Variants in SNTG1 observed in about 807,000 individuals in gnomAD.
SNTG1 encodes gamma-1-syntrophin.
In SNTG1, 39 loss-of-function variants were observed where a neutral mutation model predicts 74.7. The ratio of observed to expected loss-of-function variants is 0.52; its 90% confidence interval spans 0.40 to 0.68. The LOEUF (loss-of-function observed/expected upper bound fraction) is 0.68, where lower values mean the gene tolerates loss of function less well. Ranked by LOEUF, SNTG1 falls within the 30% of genes least tolerant of loss-of-function variation. The pLI is 0.00. For synonymous variants in SNTG1, 254 were observed against 217.1 expected, an observed-to-expected ratio of 1.17 and a Z score of -1.49; for missense variants, 685 against 609.5, an observed-to-expected ratio of 1.12 and a Z score of -1.30.
intron 9 of SNTG1, among the ~76,000 whole-genome samples, chr8:50,504,184 T>C (rs2093987257): frequency 6.6e-6 from 1 of 152,196 alleles, no homozygotes; most frequent in African/African-American, 2.4e-5. Context: ...CTCGTTCTTT[T>C]TTATGGTGAC....
intron 1 of SNTG1, among the ~76,000 whole-genome samples, chr8:49,942,338 G>T (rs1420758996): frequency 6.6e-6 from 1 of 152,052 alleles, no homozygotes; most frequent in Non-Finnish European, 1.5e-5. Context: ...TATTTTTTGA[G>T]TAGTTTTTAA....
intron 18 of SNTG1, among the ~76,000 whole-genome samples, chr8:50,779,369 T>C (rs1398364237): frequency 2.0e-5 from 3 of 152,164 alleles, no homozygotes; most frequent in Non-Finnish European, 2.9e-5. Context: ...TGTATCCTCT[T>C]TTATTTCATC....
chr8:50,693,481 C>T (rs1467488226), intron 15 of SNTG1, among the ~76,000 whole-genome samples: 1 of 151,940 alleles, frequency 6.6e-6, no homozygotes, highest in Non-Finnish European at 1.5e-5. Context: ...ATATATAAAG[C>T]CAATATTAAA....
rs764084835 is a variant in SNTG1 at position 50,656,937 on chromosome 8, G to A, written c.878G>A (p.Arg293Gln). 20 of 1,603,132 alleles carry A rather than the reference G, an allele frequency of 1.2e-5. No homozygotes were observed. The highest frequency in any genetic ancestry group is 1.7e-4 in the Middle Eastern group (1 of 6,044). Residue 293 changes from arginine to glutamine, a missense_variant, in exon 14 of 19, where the codon CGG (arginine) becomes CAG (glutamine). Coordinates refer to ENST00000642720, the MANE Select transcript of SNTG1 (RefSeq NM_018967.5). ...QIVYMGWCEA[R>Q]EQDPLQDRVY... The stretch of plus-strand genomic sequence containing the variant: ...GTCTACATGGGCTGGTGTGAAGCCC[G>A]GGAGCAAGACCCCCTCCAGGACAGA...
intron 2 of SNTG1, among the ~76,000 whole-genome samples, chr8:50,303,244 C>CTTG (rs1294195770): frequency 6.6e-6 from 1 of 151,846 alleles, no homozygotes; most frequent in African/African-American, 2.4e-5. Context: ...TCAAATAGTT[C>CTTG]TTGTTTATAA....
Position 50,763,393 on chromosome 8 carries a change from A to G in SNTG1, c.1395+11282A>G, listed in dbSNP as rs183227634. Among the ~76,000 whole-genome samples, 363 of 152,024 alleles carry G rather than the reference A, an allele frequency of 2.4e-3. 5 individuals are homozygous for G. Among genetic ancestry groups the G allele is most frequent in the African/African-American group, 7.6e-3 (317 of 41,536 alleles). On this transcript the variant is annotated intron_variant, in intron 18 of 18. Transcript: ENST00000642720. The stretch of plus-strand genomic sequence containing the variant: ...GAGTTGATTTTTAGTCTGATTCCAG[A>G]GAACATACTCTATATGATTTCATTT...
chr8:50,231,463 C>T (rs2085619820), intron 2 of SNTG1, among the ~76,000 whole-genome samples: 1 of 151,066 alleles, frequency 6.6e-6, no homozygotes, highest in African/African-American at 2.4e-5. Flanking sequence ...TCAAAATAAC[C>T]AAGTGATTGA....
chr8:50,671,948 A>C (rs6987141), intron 15 of SNTG1, among the ~76,000 whole-genome samples: 10,375 of 150,158 alleles, frequency 0.069, 967 homozygotes, highest in African/African-American at 0.2. Context: ...GCAAGGACAA[A>C]AAACTAAACA....
intron 1 of SNTG1, among the ~76,000 whole-genome samples, chr8:50,151,918 T>A (rs1025578780): frequency 1.3e-5 from 2 of 152,304 alleles, no homozygotes; most frequent in South Asian, 2.1e-4. Context: ...CATAGATATC[T>A]ATTAGGTCAG....
intron 17 of SNTG1, among the ~76,000 whole-genome samples, chr8:50,727,378 G>GTTT (rs1165345394): frequency 6.6e-6 from 1 of 152,118 alleles, no homozygotes; most frequent in Non-Finnish European, 1.5e-5. Context: ...TCCGTTAAGA[G>GTTT]TTTTCTTTGA....
At chr8:50,578,561 T>C (rs1327022796) in intron 12 of SNTG1, among the ~76,000 whole-genome samples, 1 of 152,190 alleles carries the variant, frequency 6.6e-6, no homozygotes, top group Non-Finnish European at 1.5e-5. Context: ...TCTTGAATTA[T>C]AGTTCCTATA....
intron 1 of SNTG1, among the ~76,000 whole-genome samples, chr8:50,115,572 A>AC (rs2080783644): frequency 7.0e-6 from 1 of 142,860 alleles, no homozygotes; most frequent in Non-Finnish European, 1.5e-5. Flanking sequence ...TGTCTCAAAA[A>AC]AAAAAAAAAA....
At chr8:50,723,788 GAA>G in intron 17 of SNTG1, among the ~76,000 whole-genome samples, 1 of 147,538 alleles carries the variant, frequency 6.8e-6, no homozygotes, top group East Asian at 2.0e-4. Flanking sequence ...GAGGCCTATG[GAA>G]AAAAAAAAGG....
Position 50,636,025 on chromosome 8 carries a change from A to G in SNTG1, c.850-20884A>G, listed in dbSNP as rs139623377. Among the ~76,000 whole-genome samples the G allele has an allele frequency of 1.6e-3, 238 of 151,642 alleles. 2 individuals are homozygous for G. The highest frequency in any genetic ancestry group is 0.01 in the Middle Eastern group (3 of 294). ...GTGATGAATCCTGCCAGAATTTGCT[A>G]TTTCTCTTTAATGCAGCAGGTTCTC... On this transcript the variant is annotated intron_variant, in intron 13 of 18. Coordinates refer to ENST00000642720, the MANE Select transcript of SNTG1 (RefSeq NM_018967.5).
intron 2 of SNTG1, among the ~76,000 whole-genome samples, chr8:50,377,026 AGCCCAG>A (rs2131196744): frequency 6.6e-6 from 1 of 152,188 alleles, no homozygotes; most frequent in South Asian, 2.1e-4. Context: ...GGGCATCATG[AGCCCAG>A]GCTCACAATG....
intron 4 of SNTG1, among the ~76,000 whole-genome samples, chr8:50,421,926 G>A (rs1425768863): frequency 3.9e-5 from 6 of 152,112 alleles, no homozygotes; most frequent in Non-Finnish European, 2.9e-5. Flanking sequence ...GGTTTTAATG[G>A]CAAGAGAGGT....
At chr8:49,965,900 G>T (rs1230569724) in intron 1 of SNTG1, among the ~76,000 whole-genome samples, 2 of 151,722 alleles carry the variant, frequency 1.3e-5, no homozygotes, top group Admixed American at 6.6e-5. Flanking sequence ...TTTTCTTTCA[G>T]TCTATATGGA....
At chr8:50,555,069 A>G (rs2094448142) in intron 12 of SNTG1, among the ~76,000 whole-genome samples, 1 of 152,186 alleles carries the variant, frequency 6.6e-6, no homozygotes, top group South Asian at 2.1e-4. Context: ...AAGCAACAGC[A>G]ACAACAAAAC....
chr8:50,781,668 T>C (rs1358829610), intron 18 of SNTG1, among the ~76,000 whole-genome samples: 1 of 152,222 alleles, frequency 6.6e-6, no homozygotes, highest in South Asian at 2.1e-4. Context: ...AATTTGCCAG[T>C]CTGTGTCTTT....
Sources: gnomAD v4.1 joint callset for allele counts (sites outside exome capture counted in the v4.1 genomes callset) on GRCh38, gnomAD v4.1.1 for gene constraint, MANE v1.5 for transcripts, NCBI Gene and HGNC (gene_info 2026-07-23, HGNC 2026-07-21) for gene names.